The following PLA2G4C variants were observed in gnomAD, a reference collection of about 807,000 sequenced individuals.
PLA2G4C encodes the protein phospholipase A2 group IVC.
PLA2G4C carries 64 observed loss-of-function variants against 73.8 expected under a neutral mutation model. The ratio of observed to expected loss-of-function variants is 0.87; its 90% CI spans 0.71 to 1.07. The LOEUF (loss-of-function observed/expected upper bound fraction) is 1.07. Among genes scored for constraint, PLA2G4C ranks in the 50% least tolerant of loss-of-function variants. The pLI is 0.00. For missense variants in PLA2G4C, 622 were observed against 665.4 expected (o/e 0.93, Z 0.72); for synonymous variants, 254 against 252.1 (o/e 1.01, Z -0.07).
intron 7 of PLA2G4C, among the ~76,000 whole-genome samples, chr19:48,093,730 C>T (rs529035649): frequency 6.1e-4 from 93 of 152,220 alleles, no homozygotes; most frequent in Middle Eastern, 3.4e-3. Context: ...TATGGTTAAG[C>T]TTTATGTCCC....
chr19:48,058,022 GGT>G (rs1201661597), intron 14 of PLA2G4C, among the ~76,000 whole-genome samples: 1 of 151,554 alleles, frequency 6.6e-6, no homozygotes, highest in African/African-American at 2.4e-5. Context: ...TTTTTGGCCG[GGT>G]GTGGTGGCTC....
chr19:48,088,760 C>T (rs1422901972), intron 8 of PLA2G4C, 48 bp from the exon 9 acceptor site: 1 of 1,370,312 alleles, frequency 7.3e-7, no homozygotes, highest in Non-Finnish European at 1.0e-6. Flanking sequence ...ACAACAAAGT[C>T]CCTAGTTATA....
At chr19:48,058,191 T>A (rs1437925650) in intron 14 of PLA2G4C, among the ~76,000 whole-genome samples, 2 of 151,666 alleles carry the variant, frequency 1.3e-5, no homozygotes, top group African/African-American at 4.8e-5. Context: ...CCTAGCTACT[T>A]GTGAGGCTGA....
At chr19:48,105,082 C>CAAAAAAAAAAAAAAAAAAAAAA (rs3083068) in intron 3 of PLA2G4C, among the ~76,000 whole-genome samples, 6 of 87,602 alleles carry the variant, frequency 6.8e-5, no homozygotes, top group East Asian at 3.6e-4. Context: ...GACGTTGTCT[C>CAAAAAAAAAAAAAAAAAAAAAA]AAAAAAAAAA....
intron 12 of PLA2G4C, 56 bp from the exon 13 acceptor site, chr19:48,067,942 C>A (rs1449468398): frequency 6.5e-6 from 8 of 1,231,954 alleles, no homozygotes; most frequent in Non-Finnish European, 9.6e-6. Flanking sequence ...GTGGTTTCTG[C>A]CCCCACCAAA....
chr19:48,077,628 C>T, intron 11 of PLA2G4C, 143 bp downstream of exon 11: 1 of 567,412 alleles, frequency 1.8e-6, no homozygotes, highest in South Asian at 3.0e-5. Flanking sequence ...GCCTCAGGCA[C>T]CTGGGAGAGT....
chr19:48,109,730 A>G (rs565728058), intron 1 of PLA2G4C, among the ~76,000 whole-genome samples: 4 of 152,040 alleles, frequency 2.6e-5, no homozygotes, highest in Admixed American at 2.6e-4. Context: ...GCTCACTGCA[A>G]GCTCCGCCTT....
At chr19:48,103,471 A>T (rs1469469626) in intron 4 of PLA2G4C, 1 of 152,304 alleles carries the variant, frequency 6.6e-6, no homozygotes, top group Non-Finnish European at 1.5e-5. Flanking sequence ...CAGAAATGAA[A>T]ACAAATCAGG....
At chr19:48,052,840 C>A (rs1294790541) in intron 16 of PLA2G4C, 157 bp downstream of exon 16, 2 of 676,674 alleles carry the variant, frequency 3.0e-6, no homozygotes, top group Non-Finnish European at 4.8e-6. Flanking sequence ...TGACCCTGTT[C>A]ATGGTCTGTC....
chr19:48,084,040 TTGTGTGTGTGTGTGTGTG>T lies in PLA2G4C; in HGVS notation c.844+1001_844+1018del, dbSNP rs71181645. ...GATGAACAGGTAACGAATGCCAATT[TTGTGTGTGTGTGTGTGTG>T]TGTGTGTGTGTGTGTGTGTGTGATG... On this transcript the variant is annotated intron_variant, in intron 10 of 16. Coordinates refer to ENST00000599921, the MANE Select transcript of PLA2G4C (RefSeq NM_003706.3). Among the ~76,000 whole-genome samples, 139 of 139,226 alleles carry T rather than the reference TTGTGTGTGTGTGTGTGTG, an allele frequency of 1.0e-3. 1 individual carries two copies. The highest frequency in any genetic ancestry group is 3.4e-3 in the African/African-American group (126 of 37,142). The allele number at this position is 139,226 out of a possible 152,430, so 91.3% of individuals were successfully genotyped here.
At chr19:48,094,090 G>T (rs2031450472) in intron 7 of PLA2G4C, among the ~76,000 whole-genome samples, 1 of 152,000 alleles carries the variant, frequency 6.6e-6, no homozygotes, top group Non-Finnish European at 1.5e-5. Context: ...CTAATACAGG[G>T]TCTCTGCATT....
At chr19:48,092,176 A>AG (rs1412190689) in intron 7 of PLA2G4C, among the ~76,000 whole-genome samples, 3 of 151,950 alleles carry the variant, frequency 2.0e-5, no homozygotes, top group African/African-American at 4.8e-5. Flanking sequence ...CAGCCTCCTG[A>AG]GTAACTGGAA....
At chr19:48,071,650 G>A (rs1314301770) in intron 12 of PLA2G4C, among the ~76,000 whole-genome samples, 2 of 151,776 alleles carry the variant, frequency 1.3e-5, no homozygotes, top group African/African-American at 2.4e-5. Context: ...TCACTACGTT[G>A]CCCAGGCTTG....
rs900867389 is a variant in PLA2G4C at position 48,084,954 on chromosome 19, C to T, written c.844+105G>A. On this transcript the variant is annotated intron_variant, in intron 10 of 16. Transcript: ENST00000599921. Reference sequence around the variant, plus strand: ...ATGTCAGGAAATGTGGTTGTTAGAACCATTATACACAGGCCTCTTTTCTGC... The same window carrying T: ...ATGTCAGGAAATGTGGTTGTTAGAATCATTATACACAGGCCTCTTTTCTGC... The T allele has an allele frequency of 4.0e-5, 32 of 792,992 alleles. No homozygotes were observed. In the Admixed American group the frequency reaches 6.3e-4, roughly 15 times the overall value. The allele number at this position is 792,992 out of a possible 1,614,324, so 49.1% of individuals were successfully genotyped here.
In PLA2G4C at chr19:48,054,897, G is replaced by T. The variant is rs1967874137; in HGVS notation, c.1410C>A (p.Phe470Leu). Residue 470 changes from phenylalanine to leucine, a missense_variant, in exon 15 of 17, where the codon TTC (phenylalanine) becomes TTA (leucine). Physicochemically the swap from Phe to Leu is conservative, Grantham distance 22. Coordinates refer to ENST00000599921, the MANE Select transcript of PLA2G4C (RefSeq NM_003706.3). ...TGPVVMHFPL[F>L]NIDACGGDIE... ...ACCTACCTCCACAGGCATCTATGTT[G>T]AACAGGGGAAAATGCATCACCACTG... 1.2e-6 allele frequency: 2 copies of T among 1,614,012 alleles called. No homozygotes were observed. Among genetic ancestry groups the T allele is most frequent in the African/African-American group, 1.3e-5 (1 of 74,982 alleles).
At position 48,072,802 on chromosome 19, in the gene PLA2G4C, C is replaced by A. The variant is rs1198598606; in HGVS notation, c.1006+1965G>T. The A allele has an allele frequency of 6.6e-6, 1 of 152,202 alleles. No homozygotes were observed. The highest frequency in any genetic ancestry group is 1.5e-5 in the Non-Finnish European group (1 of 68,048). 9.4% of individuals were successfully genotyped at this position (152,202 alleles called of 1,614,324 possible). A position where few individuals can be genotyped will look rare whatever the true frequency, so the allele number is the denominator to read the frequency against. Reference sequence around the variant, plus strand: ...AAGAGAGTACACCTTGATTTCCTTTCCTTGGTGAGCTGCTGATGAGCTGGT... The same window carrying A: ...AAGAGAGTACACCTTGATTTCCTTTACTTGGTGAGCTGCTGATGAGCTGGT... On this transcript the variant is annotated intron_variant, in intron 12 of 16. Transcript: ENST00000599921. This position sits in a 1 kb window ranked among gnomAD's most constrained non-coding sequence, Gnocchi z 4.4.
intron 5 of PLA2G4C, 46 bp downstream of exon 5, chr19:48,099,625 C>T (rs1309867092): frequency 2.8e-6 from 4 of 1,430,230 alleles, no homozygotes; most frequent in Non-Finnish European, 2.9e-6. Context: ...CCCTGAGACC[C>T]CTTGCTCCTA....
At chr19:48,105,127 AAGG>A (rs1240246623) in intron 3 of PLA2G4C, among the ~76,000 whole-genome samples, 1 of 127,540 alleles carries the variant, frequency 7.8e-6, no homozygotes, top group Non-Finnish European at 1.5e-5. Flanking sequence ...AAGAAAAAGA[AAGG>A]AGGAGGAGGA....
At chr19:48,098,796 G>A (rs561202241) in intron 5 of PLA2G4C, among the ~76,000 whole-genome samples, 1 of 148,030 alleles carries the variant, frequency 6.8e-6, no homozygotes. Flanking sequence ...CAGCTACTTG[G>A]GAGGCTGAGC....
Sources: gnomAD v4.1 joint callset for allele counts (sites outside exome capture counted in the v4.1 genomes callset) on GRCh38, gnomAD v4.1.1 for gene constraint, Gnocchi (gnomAD v3.1) non-coding constraint, MANE v1.5 for transcripts, NCBI Gene and HGNC (gene_info 2026-07-23, HGNC 2026-07-21) for gene names.